ABR: variants seen among roughly 807,000 people sequenced by gnomAD.
ABR encodes the protein ABR activator of RhoGEF and GTPase, also known as active breakpoint cluster region-related protein.
In ABR, 35 loss-of-function variants were observed where a neutral mutation model predicts 107.2. The observed-to-expected ratio is 0.33, with a 90% CI of 0.25 to 0.43. The LOEUF (loss-of-function observed/expected upper bound fraction) is 0.43. Among genes scored for constraint, ABR ranks in the 20% least tolerant of loss-of-function variants. The pLI, the probability that ABR is intolerant of heterozygous loss-of-function variation, is 1.00. For missense variants in ABR, 815 were observed against 1,115.2 expected (o/e 0.73, Z 3.83); for synonymous variants, 498 against 462.0 (o/e 1.08, Z -1.00).
chr17:1,009,039 C>T (rs1266394007), intron 21 of ABR, among the ~76,000 whole-genome samples: 2 of 152,186 alleles, frequency 1.3e-5, no homozygotes, highest in Non-Finnish European at 2.9e-5. Flanking sequence ...TGGGCCAAGA[C>T]CAGTGGGTTT....
At chr17:1,099,605 A>G (rs2037730058) in intron 3 of ABR, among the ~76,000 whole-genome samples, 1 of 152,252 alleles carries the variant, frequency 6.6e-6, no homozygotes, top group South Asian at 2.1e-4. Flanking sequence ...CAAAAGAAAG[A>G]TTGACACGCC....
At chr17:1,056,931 C>G in intron 13 of ABR, 67 bp downstream of exon 13, 1 of 1,114,538 alleles carries the variant, frequency 9.0e-7, no homozygotes, top group Middle Eastern at 2.0e-4. Context: ...TGAGTCCTTA[C>G]GGGAAGCCGG....
rs1426185652 is a variant in ABR at position 1,179,474 on chromosome 17, C to G, written c.61+193G>C. ...CCAGACCAGCCCGGCTCCTGGGTCCCGACCCCGATCCCGATTCCCAACCCG... is the reference window on the plus strand; with the variant it reads ...CCAGACCAGCCCGGCTCCTGGGTCCGGACCCCGATCCCGATTCCCAACCCG... On this transcript the variant is annotated intron_variant, in intron 1 of 22. Transcript: ENST00000302538. This position sits in a 1 kb window ranked among gnomAD's most constrained non-coding sequence, Gnocchi z 4.9. Among the ~76,000 whole-genome samples, 1 of 151,702 alleles carries G rather than the reference C, an allele frequency of 6.6e-6. No individual in the cohort carries two copies. Among genetic ancestry groups the G allele is most frequent in the East Asian group, 2.0e-4 (1 of 5,122 alleles).
chr17:1,014,139 A>C (rs2070912749), intron 16 of ABR, among the ~76,000 whole-genome samples: 1 of 152,182 alleles, frequency 6.6e-6, no homozygotes, highest in South Asian at 2.1e-4. Context: ...ACCCACACTC[A>C]TCCATTTAAA....
At chr17:1,067,763 T>C (rs1394141875) in intron 9 of ABR, among the ~76,000 whole-genome samples, 7 of 152,150 alleles carry the variant, frequency 4.6e-5, no homozygotes, top group Admixed American at 4.6e-4. Context: ...ATTAGTGATG[T>C]CTGCCATGGC....
chr17:1,109,035 C>T (rs1450838845), intron 2 of ABR: 3 of 1,598,458 alleles, frequency 1.9e-6, no homozygotes, highest in Non-Finnish European at 2.6e-6. Context: ...AGAACCTTGT[C>T]CAGCAAGCCT....
chr17:1,140,009 A>G (rs1041988168), intron 1 of ABR, among the ~76,000 whole-genome samples: 3 of 152,162 alleles, frequency 2.0e-5, no homozygotes, highest in Non-Finnish European at 4.4e-5. Flanking sequence ...CTGGAACACT[A>G]TCCTGAATAG....
chr17:1,073,600 G>T, intron 7 of ABR, 25 bp downstream of exon 7: 1 of 1,546,118 alleles, frequency 6.5e-7, no homozygotes, highest in Non-Finnish European at 8.8e-7. Context: ...AGCCCTCTCT[G>T]GCCATTCGGA....
intron 1 of ABR, among the ~76,000 whole-genome samples, chr17:1,213,120 G>C (rs568784120): frequency 6.6e-6 from 1 of 152,306 alleles, no homozygotes; most frequent in South Asian, 2.1e-4. Context: ...AGAAACGAAA[G>C]CTGGTTATTT....
intron 4 of ABR, among the ~76,000 whole-genome samples, chr17:1,090,542 G>C (rs773337463): frequency 2.6e-5 from 4 of 151,078 alleles, no homozygotes; most frequent in Non-Finnish European, 4.4e-5. Context: ...GGTGGGGGAG[G>C]GGGTGCAGCC....
intron 1 of ABR, among the ~76,000 whole-genome samples, chr17:1,163,020 C>T (rs1459174830): frequency 2.6e-5 from 4 of 152,154 alleles, no homozygotes; most frequent in African/African-American, 7.2e-5. Context: ...TGCAGTGAGC[C>T]GAGATCCTGC....
rs763100854 is a variant in ABR at position 1,072,722 on chromosome 17, G to A, written c.786C>T (p.Pro262=). Residue 262 remains proline, a synonymous_variant, in exon 8 of 23, where the codon CCC becomes CCT. Transcript: ENST00000302538. ...DLLKHTPVDH[P]DYPLLQDALR... is the part of the protein sequence containing the mutation. Reference sequence around the variant, plus strand: ...GGGCATCCTGCAGCAGCGGGTAGTCGGGGTGGTCCACAGGTGTGTGCTTCA... The same window carrying A: ...GGGCATCCTGCAGCAGCGGGTAGTCAGGGTGGTCCACAGGTGTGTGCTTCA... 18 of 1,613,708 alleles carry A rather than the reference G, an allele frequency of 1.1e-5. No individual in the cohort carries two copies. The East Asian group carries it at 2.2e-4, about 20-fold the overall frequency.
intron 16 of ABR, among the ~76,000 whole-genome samples, chr17:1,046,428 G>A (rs2031628869): frequency 6.6e-6 from 1 of 151,616 alleles, no homozygotes; most frequent in Admixed American, 6.6e-5. Context: ...GTGCCACCAC[G>A]CCTGGCTAAT....
chr17:1,051,241 C>G lies in ABR; in HGVS notation c.1562-607G>C, dbSNP rs1002134116. 4.6e-5 allele frequency among the ~76,000 whole-genome samples: 7 copies of G among 152,130 alleles called. No individual in the cohort carries two copies. The highest frequency in any genetic ancestry group is 1.5e-5 in the Non-Finnish European group (1 of 68,024). ...TTAACATAAACCAAAGGGATCTTCT[C>G]TACTCGTGCGTCCCTAGTCTCTCTC... On this transcript the variant is annotated intron_variant, in intron 14 of 22. Transcript: ENST00000302538. This position sits in a 1 kb window ranked among gnomAD's most constrained non-coding sequence, Gnocchi z 4.3.
chr17:1,124,860 G>C (rs1339410233), intron 2 of ABR, among the ~76,000 whole-genome samples: 1 of 152,152 alleles, frequency 6.6e-6, no homozygotes, highest in Non-Finnish European at 1.5e-5. Flanking sequence ...GGAGAGCCTG[G>C]TCCTCTCCTG....
At chr17:1,219,480 A>C (rs958354505) in intron 1 of ABR, among the ~76,000 whole-genome samples, 2 of 150,970 alleles carry the variant, frequency 1.3e-5, no homozygotes, top group East Asian at 4.0e-4. Context: ...GTCAAGACTG[A>C]TGATGTGCAT....
chr17:1,003,821 G>GTCCC lies in ABR; in HGVS notation c.*2255_*2258dup, dbSNP rs998441400. On this transcript the variant is annotated 3_prime_UTR_variant, in exon 23 of 23. Coordinates refer to ENST00000302538, the MANE Select transcript of ABR (RefSeq NM_021962.5). ...GTGACTGGAGGTTCCAGGCTGCACA[G>GTCCC]TCCCTGGCTCCTGACTCCTGCCGGG... is the stretch of plus-strand genomic sequence containing the variant. 8 of 152,312 alleles carry GTCCC rather than the reference G, an allele frequency of 5.3e-5. No homozygotes were observed. Among genetic ancestry groups the GTCCC allele is most frequent in the African/African-American group, 1.7e-4 (7 of 41,424 alleles). 9.4% of individuals were successfully genotyped at this position (152,312 alleles called of 1,614,324 possible).
At chr17:1,123,693 C>CG (rs1240877836) in intron 2 of ABR, among the ~76,000 whole-genome samples, 1 of 152,134 alleles carries the variant, frequency 6.6e-6, no homozygotes, top group Non-Finnish European at 1.5e-5. Flanking sequence ...TGAGTCCCCC[C>CG]GGGCGGGGCT....
In ABR at chr17:1,084,651, C is replaced by T. The variant is rs556218461; in HGVS notation, c.532-1024G>A. ...TCCCCAAATATTTATGGAAAGGCTT[C>T]GCTGCGCTGTATATAAGCACTTCCT... On this transcript the variant is annotated intron_variant, in intron 4 of 22. Coordinates refer to ENST00000302538, the MANE Select transcript of ABR (RefSeq NM_021962.5). The surrounding 1 kb of genome is among the most constrained non-coding windows in gnomAD (Gnocchi z 4.2). Among the ~76,000 whole-genome samples, 20 of 152,278 alleles carry T rather than the reference C, an allele frequency of 1.3e-4. No homozygotes were observed. The South Asian group carries it at 3.5e-3, about 27-fold the overall frequency.
Sources: gnomAD v4.1 joint callset for allele counts (sites outside exome capture counted in the v4.1 genomes callset) on GRCh38, gnomAD v4.1.1 for gene constraint, Gnocchi (gnomAD v3.1) non-coding constraint, MANE v1.5 for transcripts, NCBI Gene and HGNC (gene_info 2026-07-23, HGNC 2026-07-21) for gene names.